Variants in SLCO5A1 observed in about 807,000 individuals in gnomAD.
SLCO5A1 encodes organic anion transporter polypeptide-related protein 4.
A neutral mutation model predicts 65.1 loss-of-function variants in SLCO5A1; 39 were observed. That is an observed-to-expected ratio of 0.60 (90% CI 0.46 to 0.78). The LOEUF is 0.78. Among genes scored for constraint, SLCO5A1 ranks in the 30% least tolerant of loss-of-function variants. The pLI, the probability that SLCO5A1 is intolerant of heterozygous loss-of-function variation, is 0.00. For missense variants in SLCO5A1, 1,029 were observed against 1,069.4 expected (o/e 0.96, Z 0.53); for synonymous variants, 438 against 415.7 (o/e 1.05, Z -0.65).
intron 5 of SLCO5A1, among the ~76,000 whole-genome samples, chr8:69,724,688 A>G (rs1815984109): frequency 6.6e-6 from 1 of 152,214 alleles, no homozygotes; most frequent in Admixed American, 6.5e-5. Context: ...AAAAAGAGTA[A>G]GGTATTTCCT....
chr8:69,722,064 T>C (rs1815848735), intron 5 of SLCO5A1, among the ~76,000 whole-genome samples: 1 of 151,980 alleles, frequency 6.6e-6, no homozygotes, highest in African/African-American at 2.4e-5. Context: ...CCCAGCTACT[T>C]GGGAGGCTGA....
intron 5 of SLCO5A1, among the ~76,000 whole-genome samples, chr8:69,718,994 C>T (rs1483347721): frequency 6.6e-6 from 1 of 152,116 alleles, no homozygotes; most frequent in Admixed American, 6.6e-5. Context: ...CCTGAAGGAG[C>T]AACGTGAACA....
intron 2 of SLCO5A1, among the ~76,000 whole-genome samples, chr8:69,775,428 C>T (rs1818516989): frequency 6.6e-6 from 1 of 152,078 alleles, no homozygotes; most frequent in Non-Finnish European, 1.5e-5. Context: ...CAAACCTGCA[C>T]ATTGTGCACA....
intron 2 of SLCO5A1, among the ~76,000 whole-genome samples, chr8:69,829,654 G>A (rs1464472748): frequency 6.6e-6 from 1 of 151,082 alleles, no homozygotes; most frequent in Non-Finnish European, 1.5e-5. Context: ...CTCCAGCCTG[G>A]GTGAAAGAAA....
At chr8:69,767,889 C>CAAAAAAAAAAAAAAAAAAAA (rs746004982) in intron 2 of SLCO5A1, among the ~76,000 whole-genome samples, 1 of 35,044 alleles carries the variant, frequency 2.9e-5, no homozygotes, top group Non-Finnish European at 5.5e-5. Context: ...GACTCCATCT[C>CAAAAAAAAAAAAAAAAAAAA]AAAAAAAAAA....
At chr8:69,680,878 G>A (rs1813739256) in intron 7 of SLCO5A1, among the ~76,000 whole-genome samples, 1 of 152,174 alleles carries the variant, frequency 6.6e-6, no homozygotes, top group Non-Finnish European at 1.5e-5. Context: ...CTGTGACAGA[G>A]TCAGACTAAA....
chr8:69,824,057 A>G (rs1820764140), intron 2 of SLCO5A1, among the ~76,000 whole-genome samples: 1 of 152,352 alleles, frequency 6.6e-6, no homozygotes, highest in Admixed American at 6.5e-5. Context: ...AGGCAGAAAT[A>G]AAGATGTTCT....
chr8:69,788,570 T>A (rs951701471), intron 2 of SLCO5A1, among the ~76,000 whole-genome samples: 4 of 152,152 alleles, frequency 2.6e-5, no homozygotes, highest in African/African-American at 9.7e-5. Context: ...CATATTACTC[T>A]AAGAATTACT....
In SLCO5A1 at chr8:69,832,474, G is replaced by T; in HGVS notation, c.200C>A (p.Ser67Ter). ...GCCTTGCTTCAACTCCTGGTGGCCC[G>T]AAGAATCCACACAGCCAAAGGCCGG... ...ANPAFGCVDS[S>*]GHQELKQGPN... The change falls in exon 2 of 10, where the codon TCG becomes TAG. Residue 67 changes from serine (S) to a stop codon, truncating the protein, a stop_gained. Coordinates refer to ENST00000260126, the MANE Select transcript of SLCO5A1 (RefSeq NM_030958.3). LOFTEE classifies it high-confidence loss of function. This position sits in a 1 kb window ranked among gnomAD's most constrained non-coding sequence, Gnocchi z 4.5. 1.9e-6 allele frequency: 3 copies of T among 1,612,752 alleles called. No individual in the cohort carries two copies. The highest frequency in any genetic ancestry group is 2.5e-6 in the Non-Finnish European group (3 of 1,179,494).
In SLCO5A1 at chr8:69,827,151, G is replaced by A. The variant is rs1820956376; in HGVS notation, c.907+4616C>T. On this transcript the variant is annotated intron_variant, in intron 2 of 9. Transcript: ENST00000260126. ...ATCACACTCTGGGGACTGTTGTGGGGTGGGGGGAGGGGGGAGGGATAGCTT... is the reference window on the plus strand; with the variant it reads ...ATCACACTCTGGGGACTGTTGTGGGATGGGGGGAGGGGGGAGGGATAGCTT... Among the ~76,000 whole-genome samples the A allele has an allele frequency of 6.2e-5, 7 of 112,862 alleles. No homozygotes were observed. The South Asian group carries it at 2.5e-3, about 40-fold the overall frequency. The allele number at this position is 112,862 out of a possible 152,430, so 74.0% of individuals were successfully genotyped here. A position where few individuals can be genotyped will look rare whatever the true frequency, so the allele number is the denominator to read the frequency against.
chr8:69,751,432 T>C (rs1817295141), intron 4 of SLCO5A1, among the ~76,000 whole-genome samples: 3 of 152,182 alleles, frequency 2.0e-5, no homozygotes, highest in African/African-American at 4.8e-5. Flanking sequence ...AAACACTGAG[T>C]CAGATTTTCT....
At chr8:69,761,526 C>T (rs1266676490) in intron 3 of SLCO5A1, 1 of 537,166 alleles carries the variant, frequency 1.9e-6, no homozygotes, top group Non-Finnish European at 3.3e-6. Context: ...ATCACATCTG[C>T]AAAGTCCCTC....
chr8:69,789,060 T>C (rs999930857), intron 2 of SLCO5A1, among the ~76,000 whole-genome samples: 6 of 152,216 alleles, frequency 3.9e-5, no homozygotes, highest in African/African-American at 7.2e-5. Context: ...TCCACACATA[T>C]AGTCATCTGT....
intron 3 of SLCO5A1, among the ~76,000 whole-genome samples, chr8:69,756,762 G>A (rs574024241): frequency 1.3e-5 from 2 of 152,346 alleles, no homozygotes; most frequent in South Asian, 4.1e-4. Context: ...CAAACACAGG[G>A]AGTAGAATGA....
intron 5 of SLCO5A1, among the ~76,000 whole-genome samples, chr8:69,711,421 C>G (rs1167390770): frequency 1.3e-5 from 2 of 152,154 alleles, no homozygotes; most frequent in African/African-American, 4.8e-5. Context: ...TGGCCAAGAC[C>G]TGGGGAGCGC....
intron 4 of SLCO5A1, among the ~76,000 whole-genome samples, chr8:69,745,776 A>G (rs904293793): frequency 3.3e-5 from 5 of 152,178 alleles, no homozygotes; most frequent in African/African-American, 1.2e-4. Context: ...TAAAGTAAAA[A>G]TGTTAGTGGA....
At chr8:69,834,231 G>C (rs1821312960) in intron 1 of SLCO5A1, 1 of 152,792 alleles carries the variant, frequency 6.5e-6, no homozygotes, top group African/African-American at 2.4e-5. Flanking sequence ...CTAATCTTGG[G>C]GACCCCCACT....
intron 5 of SLCO5A1, among the ~76,000 whole-genome samples, chr8:69,706,708 T>C (rs556260513): frequency 6.6e-6 from 1 of 152,216 alleles, no homozygotes; most frequent in Non-Finnish European, 1.5e-5. Context: ...GAGAAATAAA[T>C]TTCTGTTGTT....
intron 2 of SLCO5A1, among the ~76,000 whole-genome samples, chr8:69,805,782 A>C (rs1819967404): frequency 6.6e-6 from 1 of 152,250 alleles, no homozygotes; most frequent in Non-Finnish European, 1.5e-5. Context: ...TGCTGGGAAA[A>C]AGGGAACAAG....
Sources: allele counts gnomAD v4.1 joint callset (sites outside exome capture counted in the v4.1 genomes callset), GRCh38; gene constraint gnomAD v4.1.1; non-coding constraint Gnocchi (gnomAD v3.1); transcripts MANE v1.5; gene names NCBI Gene and HGNC (gene_info 2026-07-23, HGNC 2026-07-21).